The following LMBR1 variants were observed in gnomAD, a reference collection of about 807,000 sequenced individuals.
LMBR1 encodes limb region 1 protein homolog.
Under a neutral mutation model 73.9 loss-of-function variants are expected in LMBR1, and 52 were observed. The ratio of observed to expected loss-of-function variants is 0.70; its 90% CI spans 0.56 to 0.89. The LOEUF (loss-of-function observed/expected upper bound fraction) is 0.89. Among genes scored for constraint, LMBR1 ranks in the 40% least tolerant of loss-of-function variants. The pLI is 0.00. For synonymous variants in LMBR1, 215 were observed against 209.4 expected (o/e 1.03, Z -0.23); for missense variants, 539 against 579.8 (o/e 0.93, Z 0.72).
intron 15 of LMBR1, among the ~76,000 whole-genome samples, chr7:156,693,453 T>TA (rs1290559113): frequency 6.6e-6 from 1 of 151,758 alleles, no homozygotes; most frequent in Non-Finnish European, 1.5e-5. Flanking sequence ...AAATAAGAAA[T>TA]AAAAAGAGAT....
At chr7:156,816,330 C>T (rs1188647134) in intron 4 of LMBR1, among the ~76,000 whole-genome samples, 1 of 152,056 alleles carries the variant, frequency 6.6e-6, no homozygotes, top group Non-Finnish European at 1.5e-5. Context: ...CTCAGCCTCC[C>T]GAGCATCTGG....
At chr7:156,820,729 G>A (rs535272585) in intron 4 of LMBR1, among the ~76,000 whole-genome samples, 6 of 152,302 alleles carry the variant, frequency 3.9e-5, no homozygotes, top group South Asian at 2.1e-4. Flanking sequence ...TCTCATTTGC[G>A]TGTGTTGCTC....
intron 3 of LMBR1, among the ~76,000 whole-genome samples, chr7:156,828,290 T>A (rs1458931636): frequency 1.3e-5 from 2 of 152,112 alleles, no homozygotes; most frequent in Non-Finnish European, 2.9e-5. Flanking sequence ...GTCTACTCAC[T>A]CCCTAGAATA....
chr7:156,864,039 A>G (rs1798095972), intron 1 of LMBR1, among the ~76,000 whole-genome samples: 1 of 152,172 alleles, frequency 6.6e-6, no homozygotes, highest in Non-Finnish European at 1.5e-5. Flanking sequence ...CTGCAATCCT[A>G]GCTACTCGGG....
chr7:156,832,672 T>C (rs1019814347), intron 3 of LMBR1, among the ~76,000 whole-genome samples: 2 of 152,230 alleles, frequency 1.3e-5, no homozygotes, highest in East Asian at 1.9e-4. Flanking sequence ...TATTTGTATG[T>C]GTGTACAAGT....
At chr7:156,738,428 C>A (rs1490432932) in intron 9 of LMBR1, among the ~76,000 whole-genome samples, 1 of 152,134 alleles carries the variant, frequency 6.6e-6, no homozygotes, top group Non-Finnish European at 1.5e-5. Flanking sequence ...ACTGCAATTC[C>A]TAGGCAAGTC....
chr7:156,874,448 C>T (rs1799853794), intron 1 of LMBR1, among the ~76,000 whole-genome samples: 1 of 152,246 alleles, frequency 6.6e-6, no homozygotes, highest in Non-Finnish European at 1.5e-5. Flanking sequence ...AAAGGGGCTC[C>T]CACAGTGCAG....
chr7:156,887,208 G>C (rs543919011), intron 1 of LMBR1, among the ~76,000 whole-genome samples: 3 of 152,328 alleles, frequency 2.0e-5, no homozygotes, highest in Middle Eastern at 3.4e-3. Flanking sequence ...GCTCACGCCT[G>C]TAATCCCAGC....
chr7:156,866,589 T>C (rs899628410), intron 1 of LMBR1, among the ~76,000 whole-genome samples: 5 of 150,652 alleles, frequency 3.3e-5, no homozygotes, highest in African/African-American at 1.2e-4. Flanking sequence ...GAATTTCTTA[T>C]GAGTTTTTTC....
At chr7:156,718,343 T>C (rs1028518305) in intron 15 of LMBR1, among the ~76,000 whole-genome samples, 18 of 149,864 alleles carry the variant, frequency 1.2e-4, no homozygotes, top group Non-Finnish European at 2.4e-4. Context: ...GAGGTTACAG[T>C]GAGCCGAGAT....
At chr7:156,675,608 C>A, downstream of LMBR1, 1 of 1,128,056 alleles carries the variant, frequency 8.9e-7, no homozygotes, top group Non-Finnish European at 1.3e-6. Context: ...AGGAAGGTTA[C>A]CAAAATAGAT....
At chr7:156,781,145 C>A (rs918599644) in intron 5 of LMBR1, among the ~76,000 whole-genome samples, 1 of 152,130 alleles carries the variant, frequency 6.6e-6, no homozygotes, top group African/African-American at 2.4e-5. Flanking sequence ...AAAGAAAGAT[C>A]ATTAGCATTA....
At chr7:156,865,959 G>T (rs892029157) in intron 1 of LMBR1, among the ~76,000 whole-genome samples, 9 of 151,676 alleles carry the variant, frequency 5.9e-5, no homozygotes, top group African/African-American at 1.9e-4. Context: ...AGATCTAAAT[G>T]TAAGAGCTAA....
At chr7:156,870,762 A>G (rs1301705639) in intron 1 of LMBR1, among the ~76,000 whole-genome samples, 2 of 151,970 alleles carry the variant, frequency 1.3e-5, no homozygotes, top group Non-Finnish European at 2.9e-5. Flanking sequence ...GTCACAAAAA[A>G]AAAAAAAAAT....
intron 9 of LMBR1, among the ~76,000 whole-genome samples, chr7:156,736,206 G>A (rs77299846): frequency 0.014 from 2,106 of 152,242 alleles, 44 homozygotes; most frequent in African/African-American, 0.042. Context: ...TCATCTAACC[G>A]GGGAAATCCG....
intron 11 of LMBR1, 55 bp from the exon 12 acceptor site, chr7:156,728,062 A>C (rs1406827025): frequency 3.6e-6 from 5 of 1,384,052 alleles, no homozygotes; most frequent in African/African-American, 1.4e-5. Flanking sequence ...AATACAAAAT[A>C]TTAAAATCTA....
At chr7:156,762,871 G>GTC (rs1245570931) in intron 7 of LMBR1, among the ~76,000 whole-genome samples, 1 of 149,950 alleles carries the variant, frequency 6.7e-6, no homozygotes, top group African/African-American at 2.5e-5. Flanking sequence ...GTGTGTGTGT[G>GTC]TCTGTCCGTC....
intron 9 of LMBR1, among the ~76,000 whole-genome samples, chr7:156,744,404 T>C (rs1819487346): frequency 1.3e-5 from 2 of 152,170 alleles, no homozygotes; most frequent in Non-Finnish European, 2.9e-5. Flanking sequence ...CCAAATCTTT[T>C]TGATTTTCTA....
At chr7:156,763,492 A>T (rs2132933236) in intron 6 of LMBR1, among the ~76,000 whole-genome samples, 177 bp downstream of exon 6, 1 of 152,254 alleles carries the variant, frequency 6.6e-6, no homozygotes, top group Middle Eastern at 3.4e-3. Context: ...CACATATAAA[A>T]TAAATAAAAC....
Sources: allele counts gnomAD v4.1 joint callset (sites outside exome capture counted in the v4.1 genomes callset), GRCh38; gene constraint gnomAD v4.1.1; transcripts MANE v1.5; gene names NCBI Gene and HGNC (gene_info 2026-07-23, HGNC 2026-07-21).